The following CLPX variants were observed in gnomAD, a reference collection of about 807,000 sequenced individuals.
CLPX encodes caseinolytic mitochondrial matrix peptidase chaperone subunit X.
A neutral mutation model predicts 76.4 loss-of-function variants in CLPX; 34 were observed. The ratio of observed to expected loss-of-function variants is 0.45; its 90% CI spans 0.34 to 0.59. The LOEUF (loss-of-function observed/expected upper bound fraction) is 0.59, where lower values mean the gene tolerates loss of function less well. Among genes scored for constraint, CLPX ranks in the 20% least tolerant of loss-of-function variants. The pLI is 0.01. For missense variants in CLPX, 613 were observed against 757.0 expected (o/e 0.81, Z 2.23); for synonymous variants, 248 against 270.9 (o/e 0.92, Z 0.83).
chr15:65,154,182 G>A (rs1595936193), intron 11 of CLPX, among the ~76,000 whole-genome samples: 1 of 152,288 alleles, frequency 6.6e-6, no homozygotes, highest in African/African-American at 2.4e-5. Flanking sequence ...AAGTAAAGAG[G>A]AAGATAATGA....
intron 5 of CLPX, among the ~76,000 whole-genome samples, chr15:65,162,864 T>C (rs1053849829): frequency 6.6e-6 from 1 of 152,234 alleles, no homozygotes; most frequent in Non-Finnish European, 1.5e-5. Context: ...ATATAATTGA[T>C]ATCTATTGTA....
intron 3 of CLPX, among the ~76,000 whole-genome samples, chr15:65,168,396 A>AAAAAAAAG (rs1416487940): frequency 1.3e-5 from 2 of 149,104 alleles, no homozygotes; most frequent in Non-Finnish European, 3.0e-5. Context: ...AAAAAAAAAA[A>AAAAAAAAG]AAAAAAAAAA....
intron 10 of CLPX, 24 bp from the exon 11 acceptor site, chr15:65,155,105 T>C (rs745747684): frequency 3.8e-6 from 6 of 1,586,556 alleles, no homozygotes; most frequent in South Asian, 2.2e-5. Flanking sequence ...GATGCATATT[T>C]ATAATTAGTA....
chr15:65,165,312 G>T (rs551136800), intron 4 of CLPX, among the ~76,000 whole-genome samples: 3 of 150,796 alleles, frequency 2.0e-5, no homozygotes, highest in Non-Finnish European at 4.4e-5. Context: ...CTGGGCAACA[G>T]AGTGAAACCC....
At chr15:65,167,324 C>T (rs1004894494) in intron 3 of CLPX, among the ~76,000 whole-genome samples, 1 of 152,132 alleles carries the variant, frequency 6.6e-6, no homozygotes, top group Non-Finnish European at 1.5e-5. Flanking sequence ...CCGTCTCCGC[C>T]TCCCAAAGTG....
rs2087690981 is a variant in CLPX at position 65,149,394 on chromosome 15, G to A, written c.*1429C>T. 1 of 255,788 alleles carries A rather than the reference G, an allele frequency of 3.9e-6. No individual in the cohort carries two copies. The highest frequency in any genetic ancestry group is 7.8e-6 in the Non-Finnish European group (1 of 128,610). 15.8% of individuals were successfully genotyped at this position (255,788 alleles called of 1,614,324 possible). On this transcript the variant is annotated 3_prime_UTR_variant, in exon 14 of 14. Coordinates refer to ENST00000300107, the MANE Select transcript of CLPX (RefSeq NM_006660.5). ...GGAGGCTGAGGCATGAGTATCGCTT[G>A]AACCTGGGACTCAGAGGTTGCAGTG...
intron 11 of CLPX, 110 bp downstream of exon 11, chr15:65,154,672 G>A: frequency 2.7e-6 from 2 of 742,310 alleles, no homozygotes; most frequent in Non-Finnish European, 4.3e-6. Flanking sequence ...GTAAGGAATA[G>A]GCTGGTATTC....
chr15:65,165,171 T>C (rs2087894273), intron 4 of CLPX, among the ~76,000 whole-genome samples: 1 of 151,752 alleles, frequency 6.6e-6, no homozygotes, highest in African/African-American at 2.4e-5. Flanking sequence ...ACCCTGTCTC[T>C]ACAGAAATTA....
In CLPX at chr15:65,185,221, C is replaced by T; in HGVS notation, c.-68G>A. ...CGGGTCACAGCGGCGTGAATCCTGC[C>T]CGCAAGGCGCGCTGACTCGGTTCCG... On this transcript the variant is annotated 5_prime_UTR_variant, in exon 1 of 14. Coordinates refer to ENST00000300107, the MANE Select transcript of CLPX (RefSeq NM_006660.5). The T allele has an allele frequency of 2.2e-6, 3 of 1,343,858 alleles. No homozygotes were observed. The highest frequency in any genetic ancestry group is 3.1e-6 in the Non-Finnish European group (3 of 967,024). The allele number at this position is 1,343,858 out of a possible 1,614,324, so 83.2% of individuals were successfully genotyped here.
In CLPX at chr15:65,164,038, TTAA is replaced by T. The variant is rs1216938220; in HGVS notation, c.661_663del (p.Leu221del). Reference sequence around the variant, plus strand: ...TTATCAAAAACGCTACCTCTTGGTGTTAATGATGTCTGCTTCTCAACCTCTGCT... The same window carrying T: ...TTATCAAAAACGCTACCTCTTGGTGTTGATGTCTGCTTCTCAACCTCTGCT... On this transcript the variant is annotated inframe_deletion, in exon 5 of 14. Transcript: ENST00000300107. 1.9e-6 allele frequency: 3 copies of T among 1,613,386 alleles called. No individual in the cohort carries two copies. Among genetic ancestry groups the T allele is most frequent in the African/African-American group, 1.3e-5 (1 of 75,032 alleles).
At chr15:65,176,067 T>A (rs907155898) in intron 3 of CLPX, among the ~76,000 whole-genome samples, 7 of 152,208 alleles carry the variant, frequency 4.6e-5, no homozygotes, top group Admixed American at 1.3e-4. Context: ...TACTCCCATA[T>A]CACCACCCAC....
intron 1 of CLPX, among the ~76,000 whole-genome samples, chr15:65,180,442 G>C (rs1004385442): frequency 3.9e-5 from 6 of 152,048 alleles, no homozygotes; most frequent in Non-Finnish European, 8.8e-5. Context: ...TGTGTCCTTT[G>C]GAAATAAGGC....
chr15:65,179,535 G>A (rs950312541), intron 2 of CLPX, among the ~76,000 whole-genome samples: 2 of 152,114 alleles, frequency 1.3e-5, no homozygotes, highest in Non-Finnish European at 2.9e-5. Context: ...TAACTCAAGT[G>A]TTAGTCAAAT....
intron 3 of CLPX, 23 bp from the exon 4 acceptor site, chr15:65,166,808 G>C (rs765164612): frequency 6.3e-7 from 1 of 1,594,272 alleles, no homozygotes; most frequent in South Asian, 1.1e-5. Flanking sequence ...ACAGACATAA[G>C]TAGAGGGAAA....
intron 4 of CLPX, among the ~76,000 whole-genome samples, chr15:65,166,106 T>A (rs1309476517): frequency 6.6e-6 from 1 of 152,186 alleles, no homozygotes; most frequent in Non-Finnish European, 1.5e-5. Flanking sequence ...TGCCTGAGAC[T>A]TCTAAAGAGT....
intron 6 of CLPX, among the ~76,000 whole-genome samples, chr15:65,159,415 A>G (rs893630236): frequency 4.6e-5 from 7 of 152,214 alleles, no homozygotes; most frequent in African/African-American, 1.4e-4. Context: ...GTTTGAGAAC[A>G]GCCTGGCCAA....
chr15:65,173,096 G>A (rs367731684), intron 3 of CLPX, among the ~76,000 whole-genome samples: 10 of 151,860 alleles, frequency 6.6e-5, no homozygotes, highest in African/African-American at 2.4e-4. Flanking sequence ...CAGGCTGGGC[G>A]CAGTGGCTCA....
rs918191377 is a variant in CLPX at position 65,149,267 on chromosome 15, C to G, written c.*1556G>C. The G allele has an allele frequency of 1.2e-5, 2 of 172,058 alleles. No homozygotes were observed. The highest frequency in any genetic ancestry group is 1.2e-4 in the Admixed American group (2 of 16,824). 10.7% of individuals were successfully genotyped at this position (172,058 alleles called of 1,614,324 possible). ...GCCAAGGTGGCCGATTGCCTGAGCTCAGGAGAGACCAGCCTGGGCAACATG... is the reference window on the plus strand; with the variant it reads ...GCCAAGGTGGCCGATTGCCTGAGCTGAGGAGAGACCAGCCTGGGCAACATG... On this transcript the variant is annotated 3_prime_UTR_variant, in exon 14 of 14. Coordinates refer to ENST00000300107, the MANE Select transcript of CLPX (RefSeq NM_006660.5).
chr15:65,164,475 T>A (rs531113515), intron 4 of CLPX, among the ~76,000 whole-genome samples: 1 of 152,310 alleles, frequency 6.6e-6, no homozygotes, highest in African/African-American at 2.4e-5. Context: ...TATTTTTTGA[T>A]AACAAATTAA....
Sources: gnomAD v4.1 joint callset for allele counts (sites outside exome capture counted in the v4.1 genomes callset) on GRCh38, gnomAD v4.1.1 for gene constraint, MANE v1.5 for transcripts, NCBI Gene and HGNC (gene_info 2026-07-23, HGNC 2026-07-21) for gene names.